The following SGPP1 variants were observed in gnomAD, a reference collection of about 807,000 sequenced individuals.
The protein encoded by SGPP1 is sphingosine-1-phosphate phosphatase 1.
SGPP1 carries 21 observed loss-of-function variants against 33.0 expected under a neutral mutation model. That is an observed-to-expected ratio of 0.64 (90% CI 0.45 to 0.92). The LOEUF (loss-of-function observed/expected upper bound fraction) is 0.92. SGPP1 is among the 40% of genes least tolerant of loss of function. The pLI is 0.00. For synonymous variants in SGPP1, 239 were observed against 241.2 expected, an observed-to-expected ratio of 0.99 and a Z score of 0.08; for missense variants, 543 against 589.4, an observed-to-expected ratio of 0.92 and a Z score of 0.81.
intron 2 of SGPP1, among the ~76,000 whole-genome samples, chr14:63,687,569 C>A (rs934075561): frequency 6.6e-6 from 1 of 152,186 alleles, no homozygotes; most frequent in Admixed American, 6.5e-5. Flanking sequence ...GGAAGCCTGT[C>A]TGAGGGTGGT....
At chr14:63,700,897 G>A (rs563060166) in intron 1 of SGPP1, among the ~76,000 whole-genome samples, 10 of 152,148 alleles carry the variant, frequency 6.6e-5, no homozygotes, top group African/African-American at 2.2e-4. Flanking sequence ...GATGCATCAC[G>A]AGACGGGCAA....
intron 1 of SGPP1, among the ~76,000 whole-genome samples, chr14:63,704,944 G>A (rs1885374656): frequency 6.6e-6 from 1 of 152,024 alleles, no homozygotes; most frequent in Non-Finnish European, 1.5e-5. Context: ...TGGCCAACAT[G>A]GTGAGACCCT....
Position 63,727,971 on chromosome 14 carries a change from C to T in SGPP1, c.-27G>A. 2.6e-6 allele frequency: 4 copies of T among 1,528,066 alleles called. No homozygotes were observed. Among genetic ancestry groups the T allele is most frequent in the Non-Finnish European group, 3.5e-6 (4 of 1,146,482 alleles). The allele number at this position is 1,528,066 out of a possible 1,614,324, so 94.7% of individuals were successfully genotyped here. A position where few individuals can be genotyped will look rare whatever the true frequency, so the allele number is the denominator to read the frequency against. On this transcript the variant is annotated 5_prime_UTR_variant, in exon 1 of 3. Coordinates refer to ENST00000247225, the MANE Select transcript of SGPP1 (RefSeq NM_030791.4). ...ATAACGGAACCCCCGGGAAGGCGGG[C>T]CGGCCTCCGGCGCAGCCCCGAACTG... is the stretch of plus-strand genomic sequence containing the variant.
chr14:63,713,455 T>C (rs1041087350), intron 1 of SGPP1, among the ~76,000 whole-genome samples: 7 of 152,194 alleles, frequency 4.6e-5, no homozygotes, highest in African/African-American at 9.6e-5. Flanking sequence ...AAGAGCCTGA[T>C]AGCAACTATT....
intron 1 of SGPP1, among the ~76,000 whole-genome samples, chr14:63,712,161 A>G (rs1390447826): frequency 1.3e-5 from 2 of 152,084 alleles, no homozygotes; most frequent in Non-Finnish European, 2.9e-5. Flanking sequence ...TCAAATTGTA[A>G]GGAAATAAAA....
chr14:63,689,093 TTTA>T (rs1885043217), intron 2 of SGPP1, among the ~76,000 whole-genome samples: 1 of 152,202 alleles, frequency 6.6e-6, no homozygotes, highest in African/African-American at 2.4e-5. Context: ...CTTAAAATTT[TTTA>T]TTATATAGGA....
At chr14:63,706,031 T>C (rs1885402453) in intron 1 of SGPP1, among the ~76,000 whole-genome samples, 1 of 152,218 alleles carries the variant, frequency 6.6e-6, no homozygotes, top group Non-Finnish European at 1.5e-5. Flanking sequence ...ATAGCCCAAG[T>C]GTTCATCAAC....
At chr14:63,725,367 C>A (rs11850599) in intron 1 of SGPP1, among the ~76,000 whole-genome samples, 6,975 of 152,256 alleles carry the variant, frequency 0.046, 253 homozygotes, top group African/African-American at 0.098. Flanking sequence ...GAGCGAGACT[C>A]CGTCAGGAGG....
At chr14:63,694,038 G>A (rs968430157) in intron 2 of SGPP1, among the ~76,000 whole-genome samples, 2 of 152,176 alleles carry the variant, frequency 1.3e-5, no homozygotes, top group South Asian at 4.1e-4. Context: ...CCAACACATT[G>A]AGAGGTCAGG....
chr14:63,724,328 G>A (rs1257311866), intron 1 of SGPP1, among the ~76,000 whole-genome samples: 1 of 152,038 alleles, frequency 6.6e-6, no homozygotes, highest in Non-Finnish European at 1.5e-5. Flanking sequence ...CAAGACAAAG[G>A]AATGGTATAG....
intron 1 of SGPP1, among the ~76,000 whole-genome samples, chr14:63,719,220 C>T (rs1470971032): frequency 2.0e-5 from 3 of 149,818 alleles, no homozygotes; most frequent in African/African-American, 7.3e-5. Flanking sequence ...AGAGACAGGG[C>T]TTCTCCATGT....
At chr14:63,707,282 T>C (rs887248012) in intron 1 of SGPP1, among the ~76,000 whole-genome samples, 5 of 152,024 alleles carry the variant, frequency 3.3e-5, no homozygotes, top group African/African-American at 7.2e-5. Flanking sequence ...GTAAGGGAAG[T>C]GCTATTTGCT....
At chr14:63,721,494 C>T (rs953355457) in intron 1 of SGPP1, among the ~76,000 whole-genome samples, 1 of 151,550 alleles carries the variant, frequency 6.6e-6, no homozygotes, top group Non-Finnish European at 1.5e-5. Context: ...CTCAGGAAAA[C>T]GTGAATTTCA....
At chr14:63,695,620 C>T (rs138457934) in intron 2 of SGPP1, among the ~76,000 whole-genome samples, 6 of 152,218 alleles carry the variant, frequency 3.9e-5, no homozygotes, top group Admixed American at 3.9e-4. Context: ...TGTTAAAACT[C>T]TTAGTGTTAG....
At chr14:63,719,751 A>G (rs888540960) in intron 1 of SGPP1, among the ~76,000 whole-genome samples, 2 of 151,784 alleles carry the variant, frequency 1.3e-5, no homozygotes, top group African/African-American at 4.8e-5. Context: ...ATATATATAG[A>G]ATTAATTTAT....
rs1885091376 is a variant in SGPP1, at chr14:63,691,325, C to G, written c.775-4669G>C. Among the ~76,000 whole-genome samples, 5 of 152,206 alleles carry G rather than the reference C, an allele frequency of 3.3e-5. No homozygotes were observed. In the South Asian group the frequency reaches 8.3e-4, roughly 25 times the overall value. On this transcript the variant is annotated intron_variant, in intron 2 of 2. Coordinates refer to ENST00000247225, the MANE Select transcript of SGPP1 (RefSeq NM_030791.4). ...GAAGGACATATAAAGCATTTCATAA[C>G]TGAGTTTTGTCTATCATTAAGTTTC...
At chr14:63,709,177 C>T (rs547515651) in intron 1 of SGPP1, among the ~76,000 whole-genome samples, 2 of 152,186 alleles carry the variant, frequency 1.3e-5, no homozygotes, top group East Asian at 3.9e-4. Flanking sequence ...GAGTTCGTGA[C>T]GAGCTTGGCC....
chr14:63,702,273 T>C lies in SGPP1; in HGVS notation c.685-3615A>G, dbSNP rs561437697. ...CTAAAGAAGCTATGAGGCTTTCCTTTTCTCTGCTCCATGGCACCTTCAGAT... is the reference window on the plus strand; with the variant it reads ...CTAAAGAAGCTATGAGGCTTTCCTTCTCTCTGCTCCATGGCACCTTCAGAT... On this transcript the variant is annotated intron_variant, in intron 1 of 2. Transcript: ENST00000247225. 2.0e-5 allele frequency among the ~76,000 whole-genome samples: 3 copies of C among 152,324 alleles called. No homozygotes were observed. The South Asian group carries it at 6.2e-4, about 32-fold the overall frequency.
At chr14:63,706,371 T>C (rs1010453268) in intron 1 of SGPP1, among the ~76,000 whole-genome samples, 1 of 152,172 alleles carries the variant, frequency 6.6e-6, no homozygotes, top group African/African-American at 2.4e-5. Flanking sequence ...TTGTACGACA[T>C]TGTGAATGTA....
Sources: gnomAD v4.1 joint callset for allele counts (sites outside exome capture counted in the v4.1 genomes callset) on GRCh38, gnomAD v4.1.1 for gene constraint, MANE v1.5 for transcripts, NCBI Gene and HGNC (gene_info 2026-07-23, HGNC 2026-07-21) for gene names.